Variants in KDM4A observed in about 807,000 individuals in gnomAD.
The protein encoded by KDM4A is lysine demethylase 4A.
KDM4A carries 23 observed loss-of-function variants against 127.1 expected under a neutral mutation model. That is an observed-to-expected ratio of 0.18 (90% confidence interval 0.13 to 0.26). The LOEUF (loss-of-function observed/expected upper bound fraction) is 0.26. KDM4A is among the 10% of genes least tolerant of loss of function. KDM4A has a pLI of 1.00. For missense variants in KDM4A, 890 were observed against 1,329.1 expected (o/e 0.67, Z 5.14); for synonymous variants, 443 against 466.5 (o/e 0.95, Z 0.65).
chr1:43,677,257 A>AT (rs1316324020), intron 11 of KDM4A, among the ~76,000 whole-genome samples: 1 of 150,420 alleles, frequency 6.6e-6, no homozygotes, highest in Admixed American at 6.7e-5. Context: ...AGGCAGGAGA[A>AT]TTGCTCGAAT....
intron 2 of KDM4A, among the ~76,000 whole-genome samples, chr1:43,654,399 T>G (rs1019693477): frequency 6.6e-6 from 1 of 152,252 alleles, no homozygotes; most frequent in Non-Finnish European, 1.5e-5. Flanking sequence ...TTGTTTTGTT[T>G]TTAAAAGAGA....
intron 5 of KDM4A, among the ~76,000 whole-genome samples, chr1:43,665,067 G>C (rs1455934221): frequency 6.6e-6 from 1 of 152,202 alleles, no homozygotes; most frequent in African/African-American, 2.4e-5. Flanking sequence ...TTTTGCAAAA[G>C]TTTAATAGTC....
intron 1 of KDM4A, among the ~76,000 whole-genome samples, chr1:43,652,809 A>G (rs1308463022): frequency 6.6e-6 from 1 of 150,682 alleles, no homozygotes. Context: ...CAGCCTCCCG[A>G]GTAGCTAGGA....
chr1:43,701,659 TTA>T (rs1289966453), intron 19 of KDM4A, among the ~76,000 whole-genome samples: 1 of 152,102 alleles, frequency 6.6e-6, no homozygotes, highest in Admixed American at 6.5e-5. Flanking sequence ...GGATAATTTT[TTA>T]TGTTTTGTAG....
intron 12 of KDM4A, 89 bp downstream of exon 12, chr1:43,683,893 T>C: frequency 1.3e-6 from 2 of 1,491,588 alleles, no homozygotes; most frequent in Non-Finnish European, 1.8e-6. Context: ...AGCTGAGGGA[T>C]AAGGGTGGGC....
At chr1:43,673,810 C>G (rs1181473598) in intron 11 of KDM4A, among the ~76,000 whole-genome samples, 1 of 152,246 alleles carries the variant, frequency 6.6e-6, no homozygotes, top group Non-Finnish European at 1.5e-5. Context: ...TTTCATCCAT[C>G]CTACTGTTGA....
intron 19 of KDM4A, among the ~76,000 whole-genome samples, chr1:43,699,091 ATT>A (rs61194980): frequency 1.7e-4 from 22 of 126,358 alleles, no homozygotes; most frequent in Admixed American, 4.9e-4. Context: ...GCCTGGCCTT[ATT>A]TTTTTTTTTT....
intron 19 of KDM4A, among the ~76,000 whole-genome samples, chr1:43,703,068 G>A (rs1021444952): frequency 6.6e-6 from 1 of 151,634 alleles, no homozygotes; most frequent in African/African-American, 2.4e-5. Flanking sequence ...TCAGACTCCC[G>A]AGTAGCTGGG....
In KDM4A at chr1:43,666,480, T is replaced by C; in HGVS notation, c.702T>C (p.Cys234=). The change falls in exon 7 of 22, where the codon TGT becomes TGC. Residue 234 remains cysteine (C), a synonymous_variant. Coordinates refer to ENST00000372396, the MANE Select transcript of KDM4A (RefSeq NM_014663.3). The part of the protein sequence containing the change: ...KGFFPGSAQS[C]EAFLRHKMTL... Reference sequence around the variant, plus strand: ...TTTTCCCAGGAAGTGCTCAAAGCTGTGAGGCATTTCTCCGCCACAAGATGA... The same window carrying C: ...TTTTCCCAGGAAGTGCTCAAAGCTGCGAGGCATTTCTCCGCCACAAGATGA... 1 of 1,614,204 alleles carries C rather than the reference T, an allele frequency of 6.2e-7. No homozygotes were observed. Among genetic ancestry groups the C allele is most frequent in the Non-Finnish European group, 8.5e-7 (1 of 1,180,020 alleles).
intron 10 of KDM4A, among the ~76,000 whole-genome samples, chr1:43,670,618 C>T (rs1003474938): frequency 7.4e-6 from 1 of 135,998 alleles, no homozygotes; most frequent in Non-Finnish European, 1.5e-5. Flanking sequence ...GGCTGGAGTG[C>T]AAAGGCATGA....
chr1:43,678,577 C>T (rs929734201), intron 11 of KDM4A, among the ~76,000 whole-genome samples: 1 of 146,702 alleles, frequency 6.8e-6, no homozygotes, highest in Non-Finnish European at 1.5e-5. Flanking sequence ...GAGGGGATGG[C>T]TGCAGATAGG....
chr1:43,668,635 T>C (rs1050330268), intron 9 of KDM4A, among the ~76,000 whole-genome samples: 8 of 152,170 alleles, frequency 5.3e-5, no homozygotes, highest in African/African-American at 1.4e-4. Flanking sequence ...AAAGTCATGT[T>C]TTCTCATCAT....
Position 43,704,917 on chromosome 1 carries a change from C to G in KDM4A, c.*547C>G, listed in dbSNP as rs956217300. 1 of 155,720 alleles carries G rather than the reference C, an allele frequency of 6.4e-6. No individual in the cohort carries two copies. Among genetic ancestry groups the G allele is most frequent in the African/African-American group, 2.4e-5 (1 of 41,472 alleles). 9.6% of individuals were successfully genotyped at this position (155,720 alleles called of 1,614,324 possible). A position where few individuals can be genotyped will look rare whatever the true frequency, so the allele number is the denominator to read the frequency against. ...CCCTCAGCTGAGCTGAGTAAGGGCT[C>G]CTGGGGGTTGGCTGGAGATGGGTGT... On this transcript the variant is annotated 3_prime_UTR_variant, in exon 22 of 22. Transcript: ENST00000372396.
intron 12 of KDM4A, among the ~76,000 whole-genome samples, chr1:43,685,562 A>G (rs1660954167): frequency 6.6e-6 from 1 of 151,692 alleles, no homozygotes; most frequent in African/African-American, 2.4e-5. Context: ...AGGTCAGGAG[A>G]TCGAGACCAT....
At chr1:43,665,815 G>T in intron 6 of KDM4A, 70 bp downstream of exon 6, 4 of 1,509,294 alleles carry the variant, frequency 2.7e-6, no homozygotes, top group South Asian at 2.3e-5. Context: ...GCACTAAAAT[G>T]TGCGTTCCCC....
intron 12 of KDM4A, among the ~76,000 whole-genome samples, chr1:43,686,331 C>A (rs971613308): frequency 1.7e-5 from 2 of 116,966 alleles, no homozygotes; most frequent in African/African-American, 3.1e-5. Context: ...CCACCACGCC[C>A]AGCCTTTTTT....
At chr1:43,701,856 A>C (rs1178586691) in intron 19 of KDM4A, among the ~76,000 whole-genome samples, 2 of 152,232 alleles carry the variant, frequency 1.3e-5, no homozygotes, top group African/African-American at 2.4e-5. Context: ...AACTCAAACA[A>C]CACAGATAGA....
chr1:43,667,357 G>A (rs2296757), intron 8 of KDM4A, among the ~76,000 whole-genome samples: 38,100 of 152,154 alleles, frequency 0.25, 5,936 homozygotes, highest in East Asian at 0.49. Flanking sequence ...TATCCATTCC[G>A]AGATTTCTCT....
At chr1:43,651,554 G>T (rs1252624950) in intron 1 of KDM4A, among the ~76,000 whole-genome samples, 1 of 152,162 alleles carries the variant, frequency 6.6e-6, no homozygotes, top group Non-Finnish European at 1.5e-5. Context: ...ATTTCTGGTG[G>T]ATTGGAGGCG....
Sources: allele counts gnomAD v4.1 joint callset (sites outside exome capture counted in the v4.1 genomes callset), GRCh38; gene constraint gnomAD v4.1.1; transcripts MANE v1.5; gene names NCBI Gene and HGNC (gene_info 2026-07-23, HGNC 2026-07-21).